ADAMTS17: variants seen among roughly 807,000 people sequenced by gnomAD.
The protein encoded by ADAMTS17 is A disintegrin and metalloproteinase with thrombospondin motifs 17.
Under a neutral mutation model 141.5 loss-of-function variants are expected in ADAMTS17, and 113 were observed. The ratio of observed to expected loss-of-function variants is 0.80; its 90% CI spans 0.69 to 0.93. ADAMTS17 has a LOEUF of 0.93. Among genes scored for constraint, ADAMTS17 ranks in the 40% least tolerant of loss-of-function variants. The probability of loss-of-function intolerance (pLI) is 0.00; values close to 1 mark genes in which losing one functional copy is unlikely to be tolerated. For missense variants in ADAMTS17, 1,659 were observed against 1,517.9 expected (o/e 1.09, Z -1.54); for synonymous variants, 768 against 630.6 (o/e 1.22, Z -3.27).
At chr15:100,036,794 A>G (rs985820508) in intron 18 of ADAMTS17, among the ~76,000 whole-genome samples, 1 of 151,778 alleles carries the variant, frequency 6.6e-6, no homozygotes, top group African/African-American at 2.4e-5. Flanking sequence ...ATCTCTACCG[A>G]TTTTGTCTCA....
chr15:100,200,414 G>A (rs1033438457), intron 7 of ADAMTS17, among the ~76,000 whole-genome samples: 11 of 152,034 alleles, frequency 7.2e-5, no homozygotes, highest in African/African-American at 2.2e-4. Flanking sequence ...CATGCCGGCC[G>A]CACTTCTGGG....
intron 4 of ADAMTS17, among the ~76,000 whole-genome samples, chr15:100,266,579 G>A (rs971917778): frequency 5.9e-5 from 9 of 152,114 alleles, no homozygotes; most frequent in African/African-American, 1.7e-4. Context: ...TGGCCTCCCC[G>A]CCTGCAAGGT....
intron 15 of ADAMTS17, among the ~76,000 whole-genome samples, chr15:100,086,853 G>A (rs2035136747): frequency 6.6e-6 from 1 of 151,944 alleles, no homozygotes; most frequent in Admixed American, 6.6e-5. Context: ...TGTGTAGAGG[G>A]AAATTTATAG....
At chr15:100,322,310 G>A (rs1177114255) in intron 3 of ADAMTS17, among the ~76,000 whole-genome samples, 5 of 152,148 alleles carry the variant, frequency 3.3e-5, no homozygotes, top group African/African-American at 1.2e-4. Context: ...GATCCACAAA[G>A]GGGAAGCCGA....
chr15:100,290,108 G>A (rs1387995333), intron 3 of ADAMTS17, among the ~76,000 whole-genome samples: 1 of 151,968 alleles, frequency 6.6e-6, no homozygotes, highest in African/African-American at 2.4e-5. Context: ...TTTACAACTA[G>A]AAATCCCATA....
chr15:100,250,004 G>T (rs915849237), intron 7 of ADAMTS17, among the ~76,000 whole-genome samples: 6 of 152,196 alleles, frequency 3.9e-5, no homozygotes, highest in Non-Finnish European at 8.8e-5. Context: ...CAGCTGTGTG[G>T]AAGTACTGGA....
At chr15:100,133,155 G>A (rs2038142563) in intron 11 of ADAMTS17, 59 bp downstream of exon 11, 2 of 1,453,380 alleles carry the variant, frequency 1.4e-6, no homozygotes, top group South Asian at 1.2e-5. Context: ...CAGAAGAGGT[G>A]CCAGTTGCCT....
At chr15:100,131,479 A>G (rs918717204) in intron 12 of ADAMTS17, among the ~76,000 whole-genome samples, 2 of 152,150 alleles carry the variant, frequency 1.3e-5, no homozygotes, top group Non-Finnish European at 2.9e-5. Context: ...GAACAAATGT[A>G]CAAAGGTGAA....
intron 20 of ADAMTS17, among the ~76,000 whole-genome samples, chr15:99,983,029 T>C (rs2573590): frequency 0.056 from 8,467 of 152,324 alleles, 676 homozygotes; most frequent in African/African-American, 0.18. Context: ...ATGAAGTTAC[T>C]GTGTAAAAGA....
intron 3 of ADAMTS17, among the ~76,000 whole-genome samples, chr15:100,307,897 G>A (rs1360851242): frequency 1.3e-5 from 2 of 152,184 alleles, no homozygotes; most frequent in African/African-American, 4.8e-5. Flanking sequence ...TGCAGAAAGA[G>A]TCCAATCATC....
Position 100,134,661 on chromosome 15 carries a change from AAC to A in ADAMTS17, c.1474-1348_1474-1347del, listed in dbSNP as rs146671856. The stretch of plus-strand genomic sequence containing the variant: ...CGCACAACTGTGCTGTCTAAAATCA[AAC>A]AGTTTTTAGAAGTTGAAGGGATAAA... On this transcript the variant is annotated intron_variant, in intron 10 of 21. Coordinates refer to ENST00000268070, the MANE Select transcript of ADAMTS17 (RefSeq NM_139057.4). 2.2e-3 allele frequency among the ~76,000 whole-genome samples: 337 copies of A among 152,324 alleles called. 1 individual carries two copies. The highest frequency in any genetic ancestry group is 7.5e-3 in the African/African-American group (313 of 41,580).
At chr15:100,144,097 A>C (rs1207829007) in intron 10 of ADAMTS17, among the ~76,000 whole-genome samples, 3 of 152,280 alleles carry the variant, frequency 2.0e-5, no homozygotes, top group Non-Finnish European at 4.4e-5. Flanking sequence ...AAGTGTTTTC[A>C]AAATATAAAA....
At chr15:100,139,217 C>T (rs1263911340) in intron 10 of ADAMTS17, among the ~76,000 whole-genome samples, 1 of 152,014 alleles carries the variant, frequency 6.6e-6, no homozygotes, top group African/African-American at 2.4e-5. Flanking sequence ...AGAAAATATC[C>T]AAAATGTAGA....
At chr15:100,318,341 T>C (rs765496637) in intron 3 of ADAMTS17, among the ~76,000 whole-genome samples, 19 of 151,516 alleles carry the variant, frequency 1.3e-4, no homozygotes, top group Non-Finnish European at 1.8e-4. Flanking sequence ...AATTCAGACA[T>C]TGAGACCTAA....
Position 99,971,678 on chromosome 15 carries a change from G to A in ADAMTS17, c.*2724C>T, listed in dbSNP as rs2060207663. ...AAAAGGACAATCGTATTGCCATAGAGGCTCTTTTCCTGCATTCTGATCCTA... is the reference window on the plus strand; with the variant it reads ...AAAAGGACAATCGTATTGCCATAGAAGCTCTTTTCCTGCATTCTGATCCTA... On this transcript the variant is annotated 3_prime_UTR_variant, in exon 22 of 22. Coordinates refer to ENST00000268070, the MANE Select transcript of ADAMTS17 (RefSeq NM_139057.4). The A allele has an allele frequency of 6.6e-6, 1 of 152,120 alleles. No individual in the cohort carries two copies. The highest frequency in any genetic ancestry group is 2.4e-5 in the African/African-American group (1 of 41,410). 9.4% of individuals were successfully genotyped at this position (152,120 alleles called of 1,614,324 possible).
At chr15:100,160,433 C>A (rs1342984993) in intron 8 of ADAMTS17, among the ~76,000 whole-genome samples, 1 of 152,152 alleles carries the variant, frequency 6.6e-6, no homozygotes, top group East Asian at 1.9e-4. Context: ...GACTCAAGCC[C>A]TGGGAGGATG....
chr15:100,233,766 G>C (rs1307686735), intron 7 of ADAMTS17, among the ~76,000 whole-genome samples: 1 of 152,070 alleles, frequency 6.6e-6, no homozygotes, highest in Non-Finnish European at 1.5e-5. Context: ...GAGATGTCAG[G>C]GGGAGAGTGT....
intron 18 of ADAMTS17, among the ~76,000 whole-genome samples, chr15:100,033,335 C>G (rs1216728337): frequency 6.6e-6 from 1 of 152,202 alleles, no homozygotes; most frequent in African/African-American, 2.4e-5. Context: ...CTTTGAGAAT[C>G]ACACAGCTGC....
In ADAMTS17 at chr15:100,043,031, T is replaced by C. The variant is rs35443820; in HGVS notation, c.2591+5826A>G. ...ACGCACGGATCTATCTTGTTAGGAA[T>C]TGCAAGAGCTTCAAAATCTATTATC... On this transcript the variant is annotated intron_variant, in intron 18 of 21. Transcript: ENST00000268070. Among the ~76,000 whole-genome samples the C allele has an allele frequency of 2.7e-3, 409 of 152,312 alleles. 3 individuals are homozygous for C. Among genetic ancestry groups the C allele is most frequent in the Non-Finnish European group, 4.4e-3 (299 of 68,030 alleles).
Sources: allele counts gnomAD v4.1 joint callset (sites outside exome capture counted in the v4.1 genomes callset), GRCh38; gene constraint gnomAD v4.1.1; transcripts MANE v1.5; gene names NCBI Gene and HGNC (gene_info 2026-07-23, HGNC 2026-07-21).